Variants in SEMA5A observed in about 807,000 individuals in gnomAD.
SEMA5A encodes semaphorin-5A.
Under a neutral mutation model 135.5 loss-of-function variants are expected in SEMA5A, and 55 were observed. That is an observed-to-expected ratio of 0.41 (90% confidence interval 0.33 to 0.51). The LOEUF (loss-of-function observed/expected upper bound fraction) is 0.51, where lower values mean the gene tolerates loss of function less well. Among genes scored for constraint, SEMA5A ranks in the 20% least tolerant of loss-of-function variants. The pLI is 0.37. For missense variants in SEMA5A, 1,290 were observed against 1,419.9 expected, an observed-to-expected ratio of 0.91 and a Z score of 1.47; for synonymous variants, 580 against 546.5, an observed-to-expected ratio of 1.06 and a Z score of -0.85.
intron 15 of SEMA5A, among the ~76,000 whole-genome samples, chr5:9,118,109 A>T (rs1740617458): frequency 6.6e-6 from 1 of 152,230 alleles, no homozygotes; most frequent in African/African-American, 2.4e-5. Context: ...AAATAACTAT[A>T]TACAGTATTT....
chr5:9,455,309 G>A (rs1414902497), intron 1 of SEMA5A, among the ~76,000 whole-genome samples: 1 of 151,430 alleles, frequency 6.6e-6, no homozygotes, highest in East Asian at 1.9e-4. Context: ...AGACTGGAGT[G>A]CAGTGGCCTG....
chr5:9,103,913 C>T (rs1739764759), intron 16 of SEMA5A, among the ~76,000 whole-genome samples: 1 of 152,108 alleles, frequency 6.6e-6, no homozygotes, highest in Non-Finnish European at 1.5e-5. Flanking sequence ...TAATAGTACT[C>T]TTATGGTTGG....
At chr5:9,228,951 C>T (rs1326244604) in intron 6 of SEMA5A, among the ~76,000 whole-genome samples, 1 of 152,176 alleles carries the variant, frequency 6.6e-6, no homozygotes, top group Non-Finnish European at 1.5e-5. Flanking sequence ...ATGCATAGTG[C>T]TAATTTCTGT....
intron 16 of SEMA5A, among the ~76,000 whole-genome samples, chr5:9,085,610 G>A (rs541632064): frequency 4.6e-5 from 7 of 152,232 alleles, no homozygotes; most frequent in Non-Finnish European, 1.0e-4. Context: ...GAGGATGTAT[G>A]GAAACACATG....
intron 8 of SEMA5A, among the ~76,000 whole-genome samples, chr5:9,212,925 C>A (rs1746417072): frequency 6.6e-6 from 1 of 152,204 alleles, no homozygotes; most frequent in Admixed American, 6.5e-5. Context: ...ATAAACTCGG[C>A]AGCTTATAAA....
chr5:9,311,670 C>A (rs1752142829), intron 5 of SEMA5A, among the ~76,000 whole-genome samples: 1 of 151,726 alleles, frequency 6.6e-6, no homozygotes, highest in East Asian at 1.9e-4. Context: ...GTACAGCACA[C>A]CAACAAGGCA....
chr5:9,426,075 T>C (rs1757635661), intron 2 of SEMA5A, among the ~76,000 whole-genome samples: 1 of 152,188 alleles, frequency 6.6e-6, no homozygotes, highest in African/African-American at 2.4e-5. Context: ...TTATGAATTA[T>C]CACCAAGTTA....
intron 16 of SEMA5A, among the ~76,000 whole-genome samples, chr5:9,085,818 C>T (rs1435380250): frequency 2.6e-5 from 4 of 152,222 alleles, no homozygotes; most frequent in South Asian, 2.1e-4. Flanking sequence ...ACCATGCACC[C>T]GGAAAAGCCG....
chr5:9,297,456 T>A (rs1171311204), intron 5 of SEMA5A, among the ~76,000 whole-genome samples: 1 of 152,202 alleles, frequency 6.6e-6, no homozygotes, highest in Non-Finnish European at 1.5e-5. Context: ...CAGTCGCCAC[T>A]TCCACTATGT....
chr5:9,384,916 T>A (rs1023504782), intron 2 of SEMA5A, among the ~76,000 whole-genome samples: 2 of 152,214 alleles, frequency 1.3e-5, no homozygotes, highest in African/African-American at 4.8e-5. Context: ...TTCCTGTTAA[T>A]TATAACTATG....
At chr5:9,251,824 G>A (rs1250371245) in intron 5 of SEMA5A, among the ~76,000 whole-genome samples, 1 of 152,192 alleles carries the variant, frequency 6.6e-6, no homozygotes, top group African/African-American at 2.4e-5. Context: ...TCCTGATGGG[G>A]AAGATGGCTG....
rs902248940 is a variant in SEMA5A, at chr5:9,192,281, T to C, written c.1069-1810A>G. On this transcript the variant is annotated intron_variant, in intron 10 of 22. Transcript: ENST00000382496. ...CTCTCAGTCTCTGTCTCTTTACCTG[T>C]CCGGTGGCTAGGAAAATAGTTACCC... is the stretch of plus-strand genomic sequence containing the variant. Among the ~76,000 whole-genome samples, 6 of 152,376 alleles carry C rather than the reference T, an allele frequency of 3.9e-5. 1 individual carries two copies. Among genetic ancestry groups the C allele is most frequent in the African/African-American group, 1.4e-4 (6 of 41,602 alleles).
chr5:9,139,212 C>T (rs1401808840), intron 12 of SEMA5A, among the ~76,000 whole-genome samples: 1 of 152,202 alleles, frequency 6.6e-6, no homozygotes, highest in African/African-American at 2.4e-5. Context: ...TACATTCCCA[C>T]CAGCAGTGTA....
rs1446625056 is a variant in SEMA5A, at chr5:9,036,641, TATTCTGGTTCTACATCCCCA to T, written c.*6236_*6255del. The T allele has an allele frequency of 1.3e-5, 2 of 152,762 alleles. No homozygotes were observed. The highest frequency in any genetic ancestry group is 3.9e-4 in the East Asian group (2 of 5,182). The allele number at this position is 152,762 out of a possible 1,614,324, so 9.5% of individuals were successfully genotyped here. On this transcript the variant is annotated 3_prime_UTR_variant, in exon 23 of 23. Coordinates refer to ENST00000382496, the MANE Select transcript of SEMA5A (RefSeq NM_003966.3). ...CTCTCTTCTGAGCATATGTTGTACC[TATTCTGGTTCTACATCCCCA>T]GTGAGGGCAAAAATCACATCTGAAG...
intron 2 of SEMA5A, among the ~76,000 whole-genome samples, chr5:9,424,976 T>C (rs572693846): frequency 2.0e-5 from 3 of 152,264 alleles, no homozygotes; most frequent in Non-Finnish European, 2.9e-5. Context: ...AACCGACAAT[T>C]TGGAAACGTA....
At chr5:9,100,316 C>A (rs570857505) in intron 16 of SEMA5A, among the ~76,000 whole-genome samples, 6 of 152,268 alleles carry the variant, frequency 3.9e-5, no homozygotes, top group African/African-American at 1.4e-4. Flanking sequence ...CCTGTGGTCC[C>A]AGCTGCGGGC....
intron 2 of SEMA5A, among the ~76,000 whole-genome samples, chr5:9,436,871 G>T (rs1488950610): frequency 6.6e-6 from 1 of 152,104 alleles, no homozygotes; most frequent in Non-Finnish European, 1.5e-5. Context: ...CTTCAGAAAG[G>T]CTCCTGTGAA....
At chr5:9,089,922 C>A (rs1738939095) in intron 16 of SEMA5A, among the ~76,000 whole-genome samples, 1 of 152,088 alleles carries the variant, frequency 6.6e-6, no homozygotes, top group South Asian at 2.1e-4. Context: ...CTCTCTTAAT[C>A]TTGTTAACAT....
intron 2 of SEMA5A, among the ~76,000 whole-genome samples, chr5:9,415,652 G>A (rs1048832344): frequency 1.3e-5 from 2 of 152,028 alleles, no homozygotes; most frequent in African/African-American, 4.8e-5. Flanking sequence ...CCAGATGGTT[G>A]GTCTAAGCAA....
Sources: allele counts gnomAD v4.1 joint callset (sites outside exome capture counted in the v4.1 genomes callset), GRCh38; gene constraint gnomAD v4.1.1; transcripts MANE v1.5; gene names NCBI Gene and HGNC (gene_info 2026-07-23, HGNC 2026-07-21).